Variants in NPAS3 observed in about 807,000 individuals in gnomAD.
The protein encoded by NPAS3 is neuronal PAS domain-containing protein 3.
NPAS3 carries 14 observed loss-of-function variants against 73.1 expected under a neutral mutation model. The observed-to-expected ratio is 0.19, with a 90% CI of 0.13 to 0.30. The LOEUF is 0.30. NPAS3 is among the 10% of genes least tolerant of loss of function. The pLI, the probability that NPAS3 is intolerant of heterozygous loss-of-function variation, is 1.00. For synonymous variants in NPAS3, 620 were observed against 541.5 expected, an observed-to-expected ratio of 1.14 and a Z score of -2.01; for missense variants, 1,096 against 1,250.0, an observed-to-expected ratio of 0.88 and a Z score of 1.86.
intron 3 of NPAS3, among the ~76,000 whole-genome samples, chr14:33,331,689 A>G (rs949564244): frequency 2.6e-5 from 4 of 152,246 alleles, no homozygotes; most frequent in African/African-American, 9.6e-5. Flanking sequence ...TAAGCTAAGC[A>G]TAAACAAAAT....
rs2063682422 is a variant in NPAS3, at chr14:33,800,662, G to A, written c.2355G>A (p.Leu785=). The A allele has an allele frequency of 6.5e-7, 1 of 1,541,608 alleles. No homozygotes were observed. Reference sequence around the variant, plus strand: ...GCCCCAGCGCGTCCAACTCCTTGCTGTACACTGGGGACCTGGAGGCGCTGC... The same window carrying A: ...GCCCCAGCGCGTCCAACTCCTTGCTATACACTGGGGACCTGGAGGCGCTGC... The change falls in exon 12 of 12, where the codon CTG becomes CTA. Residue 785 remains leucine, a synonymous_variant. Coordinates refer to ENST00000356141, the Ensembl canonical transcript of NPAS3. The surrounding 1 kb of genome is among the most constrained non-coding windows in gnomAD (Gnocchi z 6.5).
At chr14:33,363,791 G>A (rs546968701) in intron 3 of NPAS3, among the ~76,000 whole-genome samples, 11 of 152,138 alleles carry the variant, frequency 7.2e-5, no homozygotes, top group African/African-American at 2.6e-4. Context: ...CCTGTGGCTT[G>A]GGCTTTCTTT....
chr14:33,585,148 G>T (rs1341839494), intron 5 of NPAS3, among the ~76,000 whole-genome samples: 2 of 149,362 alleles, frequency 1.3e-5, no homozygotes, highest in East Asian at 3.8e-4. Context: ...GAAAGAAACT[G>T]TCATAGGAGA....
chr14:33,110,435 G>A (rs111789525), intron 2 of NPAS3, among the ~76,000 whole-genome samples: 13 of 152,286 alleles, frequency 8.5e-5, no homozygotes, highest in African/African-American at 1.2e-4. Context: ...ACTTCTTAAA[G>A]CATTTAATTT....
intron 1 of NPAS3, among the ~76,000 whole-genome samples, chr14:32,992,412 C>G (rs1440390804): frequency 6.6e-6 from 1 of 151,924 alleles, no homozygotes; most frequent in Non-Finnish European, 1.5e-5. Context: ...ATTTAATTTC[C>G]AGGTATTTGG....
In NPAS3 at chr14:33,539,091, G is replaced by T. The variant is rs144270709; in HGVS notation, c.469-21030G>T. ...ATCAATGAAGCTCGTTGACTCTCAG[G>T]GGGAGAGGTGAGTGAGGGAGAAGAA... On this transcript the variant is annotated intron_variant, in intron 4 of 11. Transcript: ENST00000356141. 3.9e-3 allele frequency among the ~76,000 whole-genome samples: 596 copies of T among 152,192 alleles called. 1 individual carries two copies. Among genetic ancestry groups the T allele is most frequent in the Admixed American group, 0.01 (160 of 15,284 alleles).
chr14:33,103,489 G>C (rs752629749), intron 2 of NPAS3, among the ~76,000 whole-genome samples: 5 of 152,300 alleles, frequency 3.3e-5, no homozygotes, highest in Admixed American at 1.3e-4. Context: ...TGGTGTCCTT[G>C]AGGGTAAAGG....
intron 2 of NPAS3, among the ~76,000 whole-genome samples, chr14:33,207,653 A>T (rs2046880839): frequency 6.6e-6 from 1 of 152,176 alleles, no homozygotes; most frequent in South Asian, 2.1e-4. Flanking sequence ...TTCCACAAAC[A>T]TCCATTGTTA....
At chr14:33,659,070 A>G (rs1011315559) in intron 5 of NPAS3, among the ~76,000 whole-genome samples, 1 of 152,212 alleles carries the variant, frequency 6.6e-6, no homozygotes. Flanking sequence ...CATTCGTTCA[A>G]TTAACACATA....
At chr14:33,314,549 T>C (rs771279821) in intron 3 of NPAS3, among the ~76,000 whole-genome samples, 9 of 152,186 alleles carry the variant, frequency 5.9e-5, no homozygotes, top group Non-Finnish European at 1.0e-4. Flanking sequence ...TTAAAATTAC[T>C]CTTTTCAGTT....
intron 6 of NPAS3, among the ~76,000 whole-genome samples, chr14:33,721,507 C>T (rs1281345750): frequency 6.6e-6 from 1 of 152,098 alleles, no homozygotes; most frequent in African/African-American, 2.4e-5. Context: ...ACATAAAACA[C>T]TTACCAGAAG....
At chr14:33,461,491 T>C (rs374936286) in intron 4 of NPAS3, among the ~76,000 whole-genome samples, 2 of 152,208 alleles carry the variant, frequency 1.3e-5, no homozygotes, top group Non-Finnish European at 2.9e-5. Context: ...GGGTCAAACA[T>C]CTTAAATATG....
intron 4 of NPAS3, among the ~76,000 whole-genome samples, chr14:33,439,985 G>A (rs933715857): frequency 5.3e-5 from 8 of 151,900 alleles, no homozygotes; most frequent in Non-Finnish European, 1.0e-4. Flanking sequence ...GCGTGGTGGC[G>A]GGCGCCTGTA....
chr14:32,977,350 T>C (rs912282238), intron 1 of NPAS3, among the ~76,000 whole-genome samples: 1 of 8,882 alleles, frequency 1.1e-4, no homozygotes, highest in Admixed American at 1.9e-3. Context: ...GTTTTGTCTC[T>C]GACACGCACA....
intron 1 of NPAS3, among the ~76,000 whole-genome samples, chr14:32,947,565 A>G (rs1025878498): frequency 6.6e-6 from 1 of 152,114 alleles, no homozygotes; most frequent in Non-Finnish European, 1.5e-5. Context: ...TGTACACAGC[A>G]TATATATGTC....
At chr14:33,704,249 TA>T (rs1325641925) in intron 6 of NPAS3, among the ~76,000 whole-genome samples, 2 of 152,220 alleles carry the variant, frequency 1.3e-5, no homozygotes, top group African/African-American at 4.8e-5. Flanking sequence ...TGTGTACATA[TA>T]AATTATAATG....
At chr14:33,097,476 G>T (rs1346067096) in intron 2 of NPAS3, among the ~76,000 whole-genome samples, 2 of 152,192 alleles carry the variant, frequency 1.3e-5, no homozygotes, top group African/African-American at 4.8e-5. Context: ...ATTCCCAATA[G>T]TGTAGATATG....
Position 33,292,959 on chromosome 14 carries a change from G to C in NPAS3, c.386-74227G>C, listed in dbSNP as rs1161312534. Among the ~76,000 whole-genome samples the C allele has an allele frequency of 2.6e-5, 4 of 152,148 alleles. No homozygotes were observed. The East Asian group carries it at 7.7e-4, about 29-fold the overall frequency. On this transcript the variant is annotated intron_variant, in intron 3 of 11. Transcript: ENST00000356141. ...AATGGGGAGGTATTCAAGTTGCACA[G>C]GTATATGAGGAAGACCAGGCAGCAG...
intron 3 of NPAS3, among the ~76,000 whole-genome samples, chr14:33,359,373 G>C (rs2045487370): frequency 6.6e-6 from 1 of 152,148 alleles, no homozygotes; most frequent in Non-Finnish European, 1.5e-5. Context: ...ATAACACGAA[G>C]CTTTGGGATC....
Sources: gnomAD v4.1 joint callset for allele counts (sites outside exome capture counted in the v4.1 genomes callset) on GRCh38, gnomAD v4.1.1 for gene constraint, Gnocchi (gnomAD v3.1) non-coding constraint, MANE v1.5 for transcripts, NCBI Gene and HGNC (gene_info 2026-07-23, HGNC 2026-07-21) for gene names.